Variants in DDX6 observed in about 807,000 individuals in gnomAD.
The protein encoded by DDX6 is probable ATP-dependent RNA helicase DDX6.
DDX6 carries 7 observed loss-of-function variants against 60.6 expected under a neutral mutation model. The ratio of observed to expected loss-of-function variants is 0.12; its 90% CI spans 0.07 to 0.22. The LOEUF is 0.22. Ranked by LOEUF, DDX6 falls within the 10% of genes least tolerant of loss-of-function variation. The probability of loss-of-function intolerance (pLI) is 1.00; values close to 1 mark genes in which losing one functional copy is unlikely to be tolerated. For synonymous variants in DDX6, 207 were observed against 201.0 expected, an observed-to-expected ratio of 1.03 and a Z score of -0.25; for missense variants, 270 against 589.9, an observed-to-expected ratio of 0.46 and a Z score of 5.62.
At chr11:118,761,949 A>G (rs1861185773) in intron 7 of DDX6, among the ~76,000 whole-genome samples, 1 of 151,922 alleles carries the variant, frequency 6.6e-6, no homozygotes, top group South Asian at 2.1e-4. Flanking sequence ...CTTAAAGATA[A>G]AAGTCTGATT....
At chr11:118,764,952 G>A (rs555010168) in intron 6 of DDX6, among the ~76,000 whole-genome samples, 7 of 151,994 alleles carry the variant, frequency 4.6e-5, no homozygotes, top group East Asian at 1.9e-4. Context: ...TCACATTATC[G>A]TCTACTAATA....
At chr11:118,760,803 A>G (rs1861138334) in intron 7 of DDX6, among the ~76,000 whole-genome samples, 1 of 128,010 alleles carries the variant, frequency 7.8e-6, no homozygotes, top group African/African-American at 3.0e-5. Context: ...CCTAGGCGAC[A>G]GGGCGAGACT....
intron 2 of DDX6, among the ~76,000 whole-genome samples, chr11:118,783,810 C>CAAAA (rs71044495): frequency 8.8e-5 from 5 of 56,912 alleles, no homozygotes; most frequent in Admixed American, 2.7e-4. Context: ...GAGTCCATCT[C>CAAAA]AAAAAAAAAA....
At chr11:118,784,124 T>G (rs1302219407) in intron 2 of DDX6, among the ~76,000 whole-genome samples, 1 of 147,512 alleles carries the variant, frequency 6.8e-6, no homozygotes, top group Non-Finnish European at 1.5e-5. Flanking sequence ...AAATTAAAAA[T>G]AGTCTAAATT....
intron 2 of DDX6, among the ~76,000 whole-genome samples, chr11:118,784,087 CAAAAAA>C (rs61356183): frequency 7.8e-6 from 1 of 128,620 alleles, no homozygotes; most frequent in Admixed American, 8.0e-5. Flanking sequence ...GACCCTGTCT[CAAAAAA>C]AAAAAAAAAA....
At position 118,758,880 on chromosome 11, in the gene DDX6, T is replaced by C; in HGVS notation, c.887A>G (p.Tyr296Cys). ...KFMNSHLQKP[Y>C]EINLMEELTL... ...TAGTTCCTCCATCAGGTTAATCTCA[T>C]AGGGTTTCTGCAAATGGGAATTCTG... Residue 296 changes from tyrosine to cysteine, a missense_variant, in exon 9 of 14, where the codon TAT becomes TGT. Around this residue, in one of 8 missense-constraint regions of DDX6, gnomAD observed 69 missense variants for 208.2 expected, o/e 0.33. Transcript: ENST00000534980. 1 of 1,613,684 alleles carries C rather than the reference T, an allele frequency of 6.2e-7. No individual in the cohort carries two copies. Among genetic ancestry groups the C allele is most frequent in the Non-Finnish European group, 8.5e-7 (1 of 1,179,710 alleles).
chr11:118,760,899 G>A (rs1301769791), intron 7 of DDX6, among the ~76,000 whole-genome samples: 2 of 152,020 alleles, frequency 1.3e-5, no homozygotes, highest in Non-Finnish European at 2.9e-5. Context: ...CAGCACTTTG[G>A]GAGGACCAGG....
At chr11:118,757,133 T>C in intron 10 of DDX6, 38 bp downstream of exon 10, 1 of 1,028,778 alleles carries the variant, frequency 9.7e-7, no homozygotes, top group Non-Finnish European at 1.4e-6. Context: ...GAAAGAGATT[T>C]CTTATTAAAT....
At chr11:118,777,189 C>T (rs1449424907) in intron 4 of DDX6, among the ~76,000 whole-genome samples, 2 of 151,966 alleles carry the variant, frequency 1.3e-5, no homozygotes, top group Admixed American at 6.6e-5. Flanking sequence ...ATATATCTGT[C>T]TTATTCATTA....
rs1862264154 is a variant in DDX6, at chr11:118,791,116, T to A, written c.-286A>T. 1 of 151,606 alleles carries A rather than the reference T, an allele frequency of 6.6e-6. No homozygotes were observed. The highest frequency in any genetic ancestry group is 6.6e-5 in the Admixed American group (1 of 15,212). 9.4% of individuals were successfully genotyped at this position (151,606 alleles called of 1,614,324 possible). On this transcript the variant is annotated 5_prime_UTR_variant, in exon 1 of 14. Transcript: ENST00000534980. Reference sequence around the variant, plus strand: ...GCCCTACCTCCTCCGCTGCCCGCTCTCGTGGCGCCGCCGAAGTCGCCGCCT... The same window carrying A: ...GCCCTACCTCCTCCGCTGCCCGCTCACGTGGCGCCGCCGAAGTCGCCGCCT...
chr11:118,770,883 CAAA>C (rs369951350), intron 4 of DDX6, among the ~76,000 whole-genome samples: 3 of 95,526 alleles, frequency 3.1e-5, no homozygotes, highest in East Asian at 2.5e-4. Flanking sequence ...CTCAGTCTCA[CAAA>C]AAAAAAAAAA....
Position 118,751,974 on chromosome 11 carries a change from T to C in DDX6, c.*131A>G, listed in dbSNP as rs1860789302. 2.6e-6 allele frequency: 1 copy of C among 388,728 alleles called. No individual in the cohort carries two copies. Among genetic ancestry groups the C allele is most frequent in the Non-Finnish European group, 5.0e-6 (1 of 200,818 alleles). 24.1% of individuals were successfully genotyped at this position (388,728 alleles called of 1,614,324 possible). On this transcript the variant is annotated 3_prime_UTR_variant, in exon 14 of 14. Transcript: ENST00000534980. ...CTCTTCACCAGTTAAAAAAAGAAAA[T>C]GTCTGAGCTCTTTTAAGTCTTCATA...
At chr11:118,771,093 G>A (rs939522518) in intron 4 of DDX6, among the ~76,000 whole-genome samples, 27 of 152,024 alleles carry the variant, frequency 1.8e-4, no homozygotes, top group African/African-American at 5.8e-4. Context: ...GTCACCTCAG[G>A]TTTTCTCTTT....
rs184558979 is a variant in DDX6, at chr11:118,756,104, G to A, written c.1174+156C>T. Among the ~76,000 whole-genome samples the A allele has an allele frequency of 4.4e-4, 64 of 144,926 alleles. 1 individual carries two copies. The East Asian group carries it at 8.0e-3, about 18-fold the overall frequency. On this transcript the variant is annotated intron_variant, in intron 11 of 13. Transcript: ENST00000534980. ...TTTCAGATATGGAACCCAGTATCAG[G>A]AGCTGACAAGAGTTCATTTTCAACT... is the stretch of plus-strand genomic sequence containing the variant.
chr11:118,769,570 G>T (rs1006161818), intron 4 of DDX6, among the ~76,000 whole-genome samples: 1 of 152,160 alleles, frequency 6.6e-6, no homozygotes, highest in South Asian at 2.1e-4. Flanking sequence ...GAGGTCAGGA[G>T]TTCAAGAACA....
intron 13 of DDX6, among the ~76,000 whole-genome samples, chr11:118,753,635 G>A (rs1181685317): frequency 2.0e-5 from 3 of 151,972 alleles, no homozygotes; most frequent in South Asian, 2.1e-4. Context: ...ACCGCACCCG[G>A]CCCAGAGTGG....
chr11:118,781,629 T>G (rs1308716587), intron 2 of DDX6, among the ~76,000 whole-genome samples: 1 of 152,164 alleles, frequency 6.6e-6, no homozygotes, highest in Non-Finnish European at 1.5e-5. Context: ...TATTCTCATT[T>G]TTAAAATAGG....
chr11:118,770,390 C>T (rs1861497405), intron 4 of DDX6, among the ~76,000 whole-genome samples: 1 of 152,102 alleles, frequency 6.6e-6, no homozygotes, highest in African/African-American at 2.4e-5. Context: ...GACATTTGTC[C>T]CTTCTATGCC....
intron 8 of DDX6, chr11:118,759,142 C>CT (rs1404601646): frequency 4.6e-5 from 17 of 373,074 alleles, no homozygotes; most frequent in Admixed American, 1.7e-4. Flanking sequence ...TCCCTGCAAC[C>CT]TCCACCTCCC....
Sources: gnomAD v4.1 joint callset for allele counts (sites outside exome capture counted in the v4.1 genomes callset) on GRCh38, gnomAD v4.1.1 for gene constraint, gnomAD v4.1.1 regional missense constraint, MANE v1.5 for transcripts, NCBI Gene and HGNC (gene_info 2026-07-23, HGNC 2026-07-21) for gene names.